SLC13A1: variants seen among roughly 807,000 people sequenced by gnomAD.
SLC13A1 encodes the protein Na(+)/sulfate cotransporter.
SLC13A1 carries 65 observed loss-of-function variants against 70.0 expected under a neutral mutation model. That is an observed-to-expected ratio of 0.93 (90% CI 0.76 to 1.14). The LOEUF is 1.14. Ranked by LOEUF, SLC13A1 falls within the 50% of genes most tolerant of loss-of-function variation. SLC13A1 has a pLI of 0.00. For synonymous variants in SLC13A1, 275 were observed against 250.5 expected (o/e 1.10, Z -0.92); for missense variants, 726 against 717.8 (o/e 1.01, Z -0.13).
At position 123,169,208 on chromosome 7, in the gene SLC13A1, C is replaced by A; in HGVS notation, c.493G>T (p.Val165Phe). 3 of 1,614,066 alleles carry A rather than the reference C, an allele frequency of 1.9e-6. No individual in the cohort carries two copies. Among genetic ancestry groups the A allele is most frequent in the Non-Finnish European group, 2.5e-6 (3 of 1,179,982 alleles). ...AAGTAAGTCATCTGAGTGGCCTCGA[C>A]CTCTGCTTCTGCATTGATGATCTGC... is the stretch of plus-strand genomic sequence containing the variant. ...VQQIINAEAE[V>F]EATQMTYFNG... Residue 165 changes from valine (V) to phenylalanine (F), a missense_variant, in exon 4 of 15, where the codon GTC becomes TTC. Physicochemically the swap from Val to Phe is conservative, Grantham distance 50 (BLOSUM62 -1). Transcript: ENST00000194130.
At chr7:123,142,637 A>ATTTTT (rs1794193750) in intron 7 of SLC13A1, among the ~76,000 whole-genome samples, 1 of 41,874 alleles carries the variant, frequency 2.4e-5, no homozygotes, top group Non-Finnish European at 4.9e-5. Context: ...AGGGGCAAGA[A>ATTTTT]CTTTTTTTTT....
At chr7:123,137,230 C>T (rs1044750386) in intron 7 of SLC13A1, among the ~76,000 whole-genome samples, 4 of 152,140 alleles carry the variant, frequency 2.6e-5, no homozygotes, top group Admixed American at 1.3e-4. Context: ...GACAGAGTTC[C>T]AAGATATGCC....
At position 123,117,562 on chromosome 7, in the gene SLC13A1, G is replaced by A; in HGVS notation, c.1559C>T (p.Thr520Ile). The A allele has an allele frequency of 6.2e-7, 1 of 1,611,656 alleles. No individual in the cohort carries two copies. The highest frequency in any genetic ancestry group is 8.5e-7 in the Non-Finnish European group (1 of 1,178,120). ...VNPLYILIPS[T>I]LCTSFAFLLP... is the part of the protein sequence containing the mutation. ...GAGGAATGCAAATGAAGTACACAGA[G>A]TAGAAGGTATCAGAATATAAAGAGG... is the stretch of plus-strand genomic sequence containing the variant. The change falls in exon 14 of 15, where the codon ACT becomes ATT. Residue 520 changes from threonine to isoleucine, a missense_variant. Transcript: ENST00000194130.
chr7:123,140,973 C>T (rs186706869), intron 7 of SLC13A1, among the ~76,000 whole-genome samples: 47 of 151,838 alleles, frequency 3.1e-4, no homozygotes, highest in African/African-American at 1.0e-3. Flanking sequence ...TTTGCTCTTG[C>T]TTTTCTCATT....
chr7:123,120,052 T>C (rs1793322057), intron 12 of SLC13A1, among the ~76,000 whole-genome samples: 1 of 152,108 alleles, frequency 6.6e-6, no homozygotes, highest in African/African-American at 2.4e-5. Flanking sequence ...AGGTAATTGA[T>C]GTCTTTTCAT....
intron 1 of SLC13A1, among the ~76,000 whole-genome samples, chr7:123,187,656 TTAAA>T (rs1795851433): frequency 6.6e-6 from 1 of 152,198 alleles, no homozygotes; most frequent in Non-Finnish European, 1.5e-5. Flanking sequence ...GGTTTTAAAA[TTAAA>T]TAAGGTTTAC....
At chr7:123,183,755 G>A (rs189621750) in intron 1 of SLC13A1, among the ~76,000 whole-genome samples, 10 of 152,170 alleles carry the variant, frequency 6.6e-5, no homozygotes, top group South Asian at 2.1e-4. Context: ...GAGAAGCACT[G>A]GGCTACATCC....
rs780822562 is a variant in SLC13A1, at chr7:123,117,472, A to T, written c.1649T>A (p.Met550Lys). 1.8e-5 allele frequency: 29 copies of T among 1,612,974 alleles called. No homozygotes were observed. Among genetic ancestry groups the T allele is most frequent in the Non-Finnish European group, 2.3e-5 (27 of 1,179,410 alleles). Residue 550 changes from methionine to lysine, a missense_variant and splice_region_variant, in exon 14 of 15, where the codon ATG becomes AAG. Met to Lys is a moderately conservative substitution (Grantham distance 95, BLOSUM62 -1). Coordinates refer to ENST00000194130, the MANE Select transcript of SLC13A1 (RefSeq NM_022444.4). ...TAGTATTTTTTTCAGCTAACTCACC[A>T]TGTCAATGACTTTCAGATGACCATA... ...FSYGHLKVID[M>K]VKAGLGVNIV...
rs910282506 is a variant in SLC13A1, at chr7:123,114,734, A to G, written c.*784T>C. 6.6e-5 allele frequency: 10 copies of G among 152,288 alleles called. No homozygotes were observed. The highest frequency in any genetic ancestry group is 2.2e-4 in the African/African-American group (9 of 41,568). 9.4% of individuals were successfully genotyped at this position (152,288 alleles called of 1,614,324 possible). A position where few individuals can be genotyped will look rare whatever the true frequency, so the allele number is the denominator to read the frequency against. Reference sequence around the variant, plus strand: ...TTATAGTGTTCAGCTTTCCTTTCTAACTATACTGTACTAATAGTGCAAATC... The same window carrying G: ...TTATAGTGTTCAGCTTTCCTTTCTAGCTATACTGTACTAATAGTGCAAATC... On this transcript the variant is annotated 3_prime_UTR_variant, in exon 15 of 15. Transcript: ENST00000194130.
chr7:123,153,718 C>T (rs1563334997), intron 6 of SLC13A1, among the ~76,000 whole-genome samples: 1 of 151,984 alleles, frequency 6.6e-6, no homozygotes, highest in Non-Finnish European at 1.5e-5. Flanking sequence ...GTAGTTTCAG[C>T]CTATGGCCAC....
chr7:123,166,349 T>G (rs1045643570), intron 6 of SLC13A1, among the ~76,000 whole-genome samples: 1 of 151,928 alleles, frequency 6.6e-6, no homozygotes, highest in African/African-American at 2.4e-5. Context: ...ATATTCTTTC[T>G]GTTTAGGTGT....
chr7:123,188,290 C>G (rs1795881493), intron 1 of SLC13A1, among the ~76,000 whole-genome samples: 1 of 152,144 alleles, frequency 6.6e-6, no homozygotes, highest in Non-Finnish European at 1.5e-5. Flanking sequence ...GCCTCCCAGT[C>G]ACGCTGAGTC....
intron 1 of SLC13A1, among the ~76,000 whole-genome samples, chr7:123,192,451 A>C (rs1796024590): frequency 6.6e-6 from 1 of 152,190 alleles, no homozygotes; most frequent in Non-Finnish European, 1.5e-5. Context: ...CCCACATGGA[A>C]TTAGAATATA....
chr7:123,145,937 T>G (rs73447941), intron 7 of SLC13A1, among the ~76,000 whole-genome samples: 5 of 152,230 alleles, frequency 3.3e-5, no homozygotes, highest in African/African-American at 9.6e-5. Context: ...CAGAGAGTAG[T>G]TTTCCTGCCT....
At chr7:123,175,466 T>C (rs961043303) in intron 2 of SLC13A1, among the ~76,000 whole-genome samples, 2 of 152,132 alleles carry the variant, frequency 1.3e-5, no homozygotes, top group Admixed American at 1.3e-4. Context: ...CCCAAATTCA[T>C]ATGTTGGCAC....
chr7:123,189,535 T>C (rs979262924), intron 1 of SLC13A1, among the ~76,000 whole-genome samples: 2 of 152,168 alleles, frequency 1.3e-5, no homozygotes, highest in Non-Finnish European at 2.9e-5. Flanking sequence ...TTTTCATTCT[T>C]TCTTTTGAAT....
In SLC13A1 at chr7:123,147,476, G is replaced by A. The variant is rs565879149; in HGVS notation, c.661-166C>T. Among the ~76,000 whole-genome samples, 141 of 152,066 alleles carry A rather than the reference G, an allele frequency of 9.3e-4. 2 individuals are homozygous for A. The South Asian group carries it at 0.015, about 16-fold the overall frequency. On this transcript the variant is annotated intron_variant, in intron 6 of 14. Coordinates refer to ENST00000194130, the MANE Select transcript of SLC13A1 (RefSeq NM_022444.4). ...GGAAGATACTGTACCTTCCTTTGAG[G>A]ATGTGGCCCTGGTCTGATAGGATTA...
intron 6 of SLC13A1, chr7:123,149,470 C>T (rs530252818): frequency 2.2e-6 from 1 of 456,544 alleles, no homozygotes; most frequent in East Asian, 7.0e-5. Context: ...CTCTTCCCTT[C>T]TTTCGACTGT....
intron 2 of SLC13A1, among the ~76,000 whole-genome samples, chr7:123,173,060 C>T (rs1314943759): frequency 6.6e-6 from 1 of 152,030 alleles, no homozygotes; most frequent in African/African-American, 2.4e-5. Context: ...AACTGAAACA[C>T]AAGGCTGTGC....
Sources: allele counts gnomAD v4.1 joint callset (sites outside exome capture counted in the v4.1 genomes callset), GRCh38; gene constraint gnomAD v4.1.1; transcripts MANE v1.5; gene names NCBI Gene and HGNC (gene_info 2026-07-23, HGNC 2026-07-21).